SRPK2: variants seen among roughly 807,000 people sequenced by gnomAD.
SRPK2 encodes the protein SFRS protein kinase 2.
SRPK2 carries 21 observed loss-of-function variants against 90.8 expected under a neutral mutation model. That is an observed-to-expected ratio of 0.23 (90% CI 0.16 to 0.33). The LOEUF is 0.33. Ranked by LOEUF, SRPK2 falls within the 10% of genes least tolerant of loss-of-function variation. The pLI is 1.00. For synonymous variants in SRPK2, 288 were observed against 311.1 expected (o/e 0.93, Z 0.78); for missense variants, 620 against 869.0 (o/e 0.71, Z 3.60).
chr7:105,317,606 G>C (rs919494742), intron 2 of SRPK2, among the ~76,000 whole-genome samples: 2 of 152,106 alleles, frequency 1.3e-5, no homozygotes, highest in Non-Finnish European at 2.9e-5. Context: ...GGATGGGGTT[G>C]AATATTTTCT....
intron 2 of SRPK2, among the ~76,000 whole-genome samples, chr7:105,239,107 T>A (rs1800492176): frequency 6.6e-6 from 1 of 152,228 alleles, no homozygotes; most frequent in Non-Finnish European, 1.5e-5. Flanking sequence ...ACAATTGCAC[T>A]ACATATCTGA....
chr7:105,368,267 A>C (rs1819304544), intron 2 of SRPK2, among the ~76,000 whole-genome samples: 1 of 152,112 alleles, frequency 6.6e-6, no homozygotes, highest in Admixed American at 6.6e-5. Flanking sequence ...GTATTCTAAG[A>C]TTTTCTATAT....
At chr7:105,163,562 A>G (rs1196316255) in intron 6 of SRPK2, among the ~76,000 whole-genome samples, 1 of 152,198 alleles carries the variant, frequency 6.6e-6, no homozygotes, top group Non-Finnish European at 1.5e-5. Context: ...TGGGAAGCTG[A>G]GGCGGGCAGA....
At chr7:105,301,662 G>C (rs368881596) in intron 2 of SRPK2, 6 of 1,611,514 alleles carry the variant, frequency 3.7e-6, no homozygotes, top group East Asian at 4.5e-5. Context: ...TCTTAATAGA[G>C]ATTTCCTGGA....
intron 2 of SRPK2, among the ~76,000 whole-genome samples, chr7:105,263,845 T>C (rs1804673205): frequency 1.3e-5 from 2 of 152,184 alleles, no homozygotes; most frequent in African/African-American, 4.8e-5. Flanking sequence ...GTATCTTCAA[T>C]GAAAATACTA....
At chr7:105,116,105 A>G (rs947123016), downstream of SRPK2, among the ~76,000 whole-genome samples, 3 of 152,196 alleles carry the variant, frequency 2.0e-5, no homozygotes, top group Non-Finnish European at 2.9e-5. Flanking sequence ...ATTTGCAATG[A>G]TCAAACAAAT....
intron 3 of SRPK2, among the ~76,000 whole-genome samples, chr7:105,188,560 T>C (rs1305574734): frequency 2.0e-5 from 3 of 152,216 alleles, no homozygotes; most frequent in Non-Finnish European, 4.4e-5. Flanking sequence ...CTAGTCAACA[T>C]AAACCAGACA....
chr7:105,170,867 GA>G (rs1790833339), intron 3 of SRPK2, among the ~76,000 whole-genome samples: 3 of 96,014 alleles, frequency 3.1e-5, no homozygotes, highest in Non-Finnish European at 4.3e-5. Context: ...AAGAAAGAAA[GA>G]AAGAAAGAAA....
At chr7:105,233,067 GA>G (rs1174959722) in intron 2 of SRPK2, among the ~76,000 whole-genome samples, 1 of 144,800 alleles carries the variant, frequency 6.9e-6, no homozygotes, top group Non-Finnish European at 1.5e-5. Context: ...AGGGAGCAAG[GA>G]AGGAAGGAAG....
chr7:105,323,967 T>C (rs796799061), intron 2 of SRPK2, among the ~76,000 whole-genome samples: 3 of 133,816 alleles, frequency 2.2e-5, no homozygotes, highest in African/African-American at 8.2e-5. Context: ...AGACTATTCT[T>C]TGTGTGTGTG....
chr7:105,309,562 G>A (rs1031340548), intron 2 of SRPK2, among the ~76,000 whole-genome samples: 1 of 152,112 alleles, frequency 6.6e-6, no homozygotes, highest in African/African-American at 2.4e-5. Flanking sequence ...CCAGAAACCA[G>A]AACCCCATCT....
chr7:105,270,553 G>A (rs1430567929), intron 2 of SRPK2, among the ~76,000 whole-genome samples: 3 of 151,778 alleles, frequency 2.0e-5, no homozygotes, highest in South Asian at 2.1e-4. Flanking sequence ...GATTACAGGC[G>A]CCCGCCACCA....
chr7:105,325,761 G>A (rs2131606364), intron 2 of SRPK2, among the ~76,000 whole-genome samples: 1 of 152,272 alleles, frequency 6.6e-6, no homozygotes, highest in South Asian at 2.1e-4. Flanking sequence ...TACTGATGCA[G>A]GGGGATCACC....
At chr7:105,244,262 C>T (rs1369820498) in intron 2 of SRPK2, among the ~76,000 whole-genome samples, 5 of 152,158 alleles carry the variant, frequency 3.3e-5, no homozygotes, top group Admixed American at 6.5e-5. Context: ...AAGATACTGT[C>T]CAATATTTCC....
At chr7:105,354,148 C>G (rs943777604) in intron 2 of SRPK2, among the ~76,000 whole-genome samples, 30 of 152,166 alleles carry the variant, frequency 2.0e-4, no homozygotes, top group Admixed American at 7.9e-4. Context: ...CCAAGTCAAT[C>G]AGAGATGGGT....
chr7:105,398,767 TAGAAG>T (rs2132930263), intron 1 of SRPK2, among the ~76,000 whole-genome samples: 1 of 152,338 alleles, frequency 6.6e-6, no homozygotes, highest in East Asian at 1.9e-4. Context: ...TAGTGTAACA[TAGAAG>T]AGAGTGGCAG....
At chr7:105,151,200 G>A (rs541910312) in intron 7 of SRPK2, among the ~76,000 whole-genome samples, 4 of 152,298 alleles carry the variant, frequency 2.6e-5, no homozygotes, top group African/African-American at 9.6e-5. Context: ...GACAAATAAA[G>A]TTAGTTAAGA....
At chr7:105,320,685 CA>C (rs1812837804) in intron 2 of SRPK2, among the ~76,000 whole-genome samples, 1 of 152,102 alleles carries the variant, frequency 6.6e-6, no homozygotes. Context: ...AAACTGTGGC[CA>C]AAGACCTTCA....
intron 2 of SRPK2, among the ~76,000 whole-genome samples, chr7:105,386,486 G>T (rs1433659981): frequency 6.6e-6 from 1 of 152,152 alleles, no homozygotes; most frequent in Non-Finnish European, 1.5e-5. Context: ...GGCCGAGGCC[G>T]GTGAATCACC....
Sources: gnomAD v4.1 joint callset for allele counts (sites outside exome capture counted in the v4.1 genomes callset) on GRCh38, gnomAD v4.1.1 for gene constraint, MANE v1.5 for transcripts, NCBI Gene and HGNC (gene_info 2026-07-23, HGNC 2026-07-21) for gene names.